IL20RB: variants seen among roughly 807,000 people sequenced by gnomAD.
IL20RB encodes interleukin-20 receptor subunit beta.
IL20RB carries 21 observed loss-of-function variants against 33.3 expected under a neutral mutation model. The observed-to-expected ratio is 0.63, with a 90% CI of 0.45 to 0.91. The LOEUF is 0.91. IL20RB is among the 40% of genes least tolerant of loss of function. The pLI, the probability that IL20RB is intolerant of heterozygous loss-of-function variation, is 0.00. For missense variants in IL20RB, 345 were observed against 384.8 expected (o/e 0.90, Z 0.86); for synonymous variants, 147 against 146.8 (o/e 1.00, Z -0.01).
chr3:136,976,418 G>A (rs927984497), intron 1 of IL20RB, among the ~76,000 whole-genome samples: 5 of 152,174 alleles, frequency 3.3e-5, no homozygotes, highest in Non-Finnish European at 7.4e-5. Context: ...CAGTAGGTGG[G>A]GAATATGCAC....
chr3:137,009,942 A>T (rs1933041797), intron 6 of IL20RB, among the ~76,000 whole-genome samples, 171 bp from the exon 7 acceptor site: 1 of 152,000 alleles, frequency 6.6e-6, no homozygotes, highest in South Asian at 2.1e-4. Flanking sequence ...GAACTGGGAG[A>T]TATTCTTAGC....
intron 1 of IL20RB, among the ~76,000 whole-genome samples, chr3:136,966,590 T>C (rs1941357927): frequency 1.1e-5 from 1 of 88,176 alleles, no homozygotes. Context: ...TTTCTCTTTT[T>C]TTCTTTATTA....
chr3:136,985,623 C>T (rs975059842), intron 3 of IL20RB, among the ~76,000 whole-genome samples: 5 of 152,148 alleles, frequency 3.3e-5, no homozygotes, highest in East Asian at 1.9e-4. Context: ...AGGTGTGAGC[C>T]GCTACGCCTG....
At chr3:136,982,665 G>A (rs1338896256) in intron 3 of IL20RB, among the ~76,000 whole-genome samples, 1 of 147,032 alleles carries the variant, frequency 6.8e-6, no homozygotes, top group Non-Finnish European at 1.5e-5. Context: ...CAGGACTGCT[G>A]CTCCCTACTC....
At position 136,980,552 on chromosome 3, in the gene IL20RB, G is replaced by A. The variant is rs138979139; in HGVS notation, c.175G>A (p.Ala59Thr). 1.2e-4 allele frequency: 193 copies of A among 1,614,192 alleles called. No homozygotes were observed. Among genetic ancestry groups the A allele is most frequent in the Middle Eastern group, 1.6e-4 (1 of 6,062 alleles). ...KHLLMWSPVI[A>T]PGETVYYSVE... ...TCTCTTGATGTGGAGCCCAGTGATCGCGCCTGGAGAAACAGTGTACTATTC... is the reference window on the plus strand; with the variant it reads ...TCTCTTGATGTGGAGCCCAGTGATCACGCCTGGAGAAACAGTGTACTATTC... Residue 59 changes from alanine to threonine, a missense_variant, in exon 2 of 7, where the codon GCG (alanine) becomes ACG (threonine). Coordinates refer to ENST00000329582, the MANE Select transcript of IL20RB (RefSeq NM_144717.4).
At chr3:136,984,907 T>C (rs565719069) in intron 3 of IL20RB, among the ~76,000 whole-genome samples, 71 of 152,232 alleles carry the variant, frequency 4.7e-4, no homozygotes, top group African/African-American at 1.7e-3. Context: ...CTACCTGCAG[T>C]GCCCAGGCAG....
chr3:136,987,361 G>A (rs532062306), intron 3 of IL20RB, among the ~76,000 whole-genome samples: 14 of 152,064 alleles, frequency 9.2e-5, no homozygotes, highest in Admixed American at 3.3e-4. Context: ...ACAGAGTGTC[G>A]ATTGGTGCAC....
intron 6 of IL20RB, among the ~76,000 whole-genome samples, chr3:136,999,435 C>T (rs1019501706): frequency 1.2e-4 from 19 of 152,092 alleles, no homozygotes; most frequent in African/African-American, 4.6e-4. Context: ...ATGGGGTTCT[C>T]CCTATGTTTC....
At position 137,010,463 on chromosome 3, in the gene IL20RB, C is replaced by G; in HGVS notation, c.*240C>G. On this transcript the variant is annotated 3_prime_UTR_variant, in exon 7 of 7. Coordinates refer to ENST00000329582, the MANE Select transcript of IL20RB (RefSeq NM_144717.4). Reference sequence around the variant, plus strand: ...GGGCTGCCACTTGCTGGCTGAGCAACCCTGGGAAAAGTGACTTCATCCCTT... The same window carrying G: ...GGGCTGCCACTTGCTGGCTGAGCAAGCCTGGGAAAAGTGACTTCATCCCTT... 1 of 436,776 alleles carries G rather than the reference C, an allele frequency of 2.3e-6. No individual in the cohort carries two copies. Among genetic ancestry groups the G allele is most frequent in the South Asian group, 4.3e-5 (1 of 23,376 alleles). 27.1% of individuals were successfully genotyped at this position (436,776 alleles called of 1,614,324 possible). A position where few individuals can be genotyped will look rare whatever the true frequency, so the allele number is the denominator to read the frequency against.
intron 6 of IL20RB, among the ~76,000 whole-genome samples, chr3:137,003,286 AT>A (rs1231250068): frequency 6.6e-6 from 1 of 151,920 alleles, no homozygotes; most frequent in Non-Finnish European, 1.5e-5. Flanking sequence ...TTTTAAAGTA[AT>A]TTCTTCCAAT....
intron 6 of IL20RB, among the ~76,000 whole-genome samples, chr3:137,009,527 G>T (rs762545609): frequency 2.0e-5 from 3 of 152,048 alleles, no homozygotes; most frequent in Non-Finnish European, 2.9e-5. Flanking sequence ...GGTGGAAGAA[G>T]GTTAGGGTTT....
intron 3 of IL20RB, among the ~76,000 whole-genome samples, chr3:136,988,849 T>C (rs1406917963): frequency 6.6e-6 from 1 of 152,122 alleles, no homozygotes; most frequent in Non-Finnish European, 1.5e-5. Context: ...TCTGCTGATA[T>C]GTGAAAGTTA....
intron 1 of IL20RB, among the ~76,000 whole-genome samples, chr3:136,976,867 T>C (rs1336696481): frequency 2.0e-5 from 3 of 152,180 alleles, no homozygotes; most frequent in Non-Finnish European, 4.4e-5. Context: ...TCCCCCAATC[T>C]ACTGGCAGCT....
At chr3:136,991,885 T>C (rs1577027390) in intron 4 of IL20RB, 53 bp from the exon 5 acceptor site, 2 of 1,587,802 alleles carry the variant, frequency 1.3e-6, no homozygotes, top group East Asian at 2.3e-5. Context: ...GCTGGGATTA[T>C]AGGCGTGAGC....
intron 2 of IL20RB, among the ~76,000 whole-genome samples, chr3:136,980,958 G>A (rs906231156): frequency 3.9e-5 from 6 of 152,294 alleles, no homozygotes; most frequent in African/African-American, 1.4e-4. Context: ...TATACCTAGA[G>A]CCAAAACGAA....
intron 5 of IL20RB, among the ~76,000 whole-genome samples, chr3:136,992,571 A>G (rs751609267): frequency 2.6e-4 from 40 of 152,230 alleles, no homozygotes; most frequent in Non-Finnish European, 5.4e-4. Context: ...CAGAAAACCT[A>G]CAATGTTTAA....
intron 1 of IL20RB, among the ~76,000 whole-genome samples, chr3:136,963,658 T>C (rs1227354607): frequency 1.3e-5 from 2 of 151,142 alleles, no homozygotes; most frequent in Admixed American, 6.6e-5. Flanking sequence ...GAGTTTTTTA[T>C]GTGTTCTAGA....
chr3:137,002,828 T>A (rs1157329936), intron 6 of IL20RB, among the ~76,000 whole-genome samples: 6 of 152,142 alleles, frequency 3.9e-5, no homozygotes, highest in South Asian at 2.1e-4. Context: ...GGTGTTTTAG[T>A]CATGAAGTCC....
rs1235165510 is a variant in IL20RB at position 136,982,270 on chromosome 3, A to G, written c.326A>G (p.Tyr109Cys). 6.2e-7 allele frequency: 1 copy of G among 1,612,100 alleles called. No individual in the cohort carries two copies. Among genetic ancestry groups the G allele is most frequent in the Non-Finnish European group, 8.5e-7 (1 of 1,178,394 alleles). ...VTDDITATVPYNLRVRATLGS... is the reference protein window; with the variant it reads ...VTDDITATVPCNLRVRATLGS... ...GATGACATCACGGCCACTGTGCCAT[A>G]CAACCTTCGTGTCAGGGCCACATTG... Residue 109 changes from tyrosine (Y) to cysteine (C), a missense_variant, in exon 3 of 7, where the codon TAC (tyrosine) becomes TGC (cysteine). Coordinates refer to ENST00000329582, the MANE Select transcript of IL20RB (RefSeq NM_144717.4).
Sources: allele counts gnomAD v4.1 joint callset (sites outside exome capture counted in the v4.1 genomes callset), GRCh38; gene constraint gnomAD v4.1.1; transcripts MANE v1.5; gene names NCBI Gene and HGNC (gene_info 2026-07-23, HGNC 2026-07-21).